The following PTPRT variants were observed in gnomAD, a reference collection of about 807,000 sequenced individuals.
PTPRT encodes protein tyrosine phosphatase receptor type T.
In PTPRT, 56 loss-of-function variants were observed where a neutral mutation model predicts 176.8. The ratio of observed to expected loss-of-function variants is 0.32; its 90% CI spans 0.26 to 0.40. PTPRT has a LOEUF of 0.40. Ranked by LOEUF, PTPRT falls within the 10% of genes least tolerant of loss-of-function variation. The pLI is 1.00. For missense variants in PTPRT, 1,540 were observed against 1,908.2 expected, an observed-to-expected ratio of 0.81 and a Z score of 3.60; for synonymous variants, 783 against 739.0, an observed-to-expected ratio of 1.06 and a Z score of -0.96.
At chr20:42,844,150 C>T (rs1231047992) in intron 2 of PTPRT, among the ~76,000 whole-genome samples, 3 of 152,216 alleles carry the variant, frequency 2.0e-5, no homozygotes, top group Admixed American at 6.5e-5. Flanking sequence ...TAGGCACTTT[C>T]CATTCATTAT....
chr20:42,867,390 ATTTTT>A lies in PTPRT; in HGVS notation c.214+18412_214+18416del, dbSNP rs761289845. 9.8e-5 allele frequency among the ~76,000 whole-genome samples: 10 copies of A among 102,192 alleles called. No homozygotes were observed. In the South Asian group the frequency reaches 2.1e-3, roughly 22 times the overall value. The allele number at this position is 102,192 out of a possible 152,430, so 67.0% of individuals were successfully genotyped here. A position where few individuals can be genotyped will look rare whatever the true frequency, so the allele number is the denominator to read the frequency against. On this transcript the variant is annotated intron_variant, in intron 2 of 30. Transcript: ENST00000373187. ...TTTCTTCTATGTGAAAAGAACACAGATTTTTTTTTTTTTTTTTTTTTTTTTTTACT... is the reference window on the plus strand; with the variant it reads ...TTTCTTCTATGTGAAAAGAACACAGATTTTTTTTTTTTTTTTTTTTTTACT...
At chr20:42,305,528 C>T (rs1246074271) in intron 12 of PTPRT, among the ~76,000 whole-genome samples, 2 of 151,984 alleles carry the variant, frequency 1.3e-5, no homozygotes, top group East Asian at 1.9e-4. Context: ...AATTTAGATT[C>T]ACATACCCAA....
chr20:42,531,057 A>T (rs1407353731), intron 7 of PTPRT, among the ~76,000 whole-genome samples: 2 of 152,182 alleles, frequency 1.3e-5, no homozygotes, highest in Non-Finnish European at 2.9e-5. Flanking sequence ...TGGTATGGAG[A>T]TGTGACCCAC....
intron 2 of PTPRT, among the ~76,000 whole-genome samples, chr20:42,807,921 C>A (rs966825962): frequency 3.3e-5 from 5 of 152,138 alleles, no homozygotes; most frequent in African/African-American, 1.2e-4. Context: ...TGATGCCCTG[C>A]CCAGGTCTCT....
intron 13 of PTPRT, among the ~76,000 whole-genome samples, chr20:42,253,814 T>C (rs1555809104): frequency 1.3e-5 from 2 of 152,184 alleles, no homozygotes; most frequent in Non-Finnish European, 1.5e-5. Context: ...CAGCCAACTG[T>C]GTCCTCTGAG....
At chr20:42,323,020 C>T (rs1201718075) in intron 11 of PTPRT, among the ~76,000 whole-genome samples, 1 of 151,914 alleles carries the variant, frequency 6.6e-6, no homozygotes, top group Admixed American at 6.6e-5. Context: ...TGCTCACCAT[C>T]ACTGGCCATC....
intron 5 of PTPRT, among the ~76,000 whole-genome samples, chr20:42,759,642 C>T (rs928735437): frequency 3.3e-5 from 5 of 152,148 alleles, no homozygotes; most frequent in African/African-American, 4.8e-5. Flanking sequence ...GGAAAAATTC[C>T]GTCAGATAAG....
chr20:42,409,479 CGCAAAAAAAAAAAAAAAAAAAAA>C (rs2058992329), intron 9 of PTPRT, among the ~76,000 whole-genome samples: 1 of 59,940 alleles, frequency 1.7e-5, no homozygotes, highest in East Asian at 6.3e-4. Flanking sequence ...GAGACTCTGT[CGCAAAAAAAAAAAAAAAAAAAAA>C]AAAAAAAAAA....
At chr20:42,547,198 G>T (rs2072691254) in intron 7 of PTPRT, among the ~76,000 whole-genome samples, 1 of 152,060 alleles carries the variant, frequency 6.6e-6, no homozygotes, top group Non-Finnish European at 1.5e-5. Context: ...AAAATTACAT[G>T]TTACATTAGC....
intron 13 of PTPRT, among the ~76,000 whole-genome samples, chr20:42,276,157 A>AT (rs1295778243): frequency 2.6e-5 from 4 of 152,082 alleles, no homozygotes; most frequent in African/African-American, 9.7e-5. Context: ...GGACAGTGTC[A>AT]TAGTCAAGGC....
intron 13 of PTPRT, among the ~76,000 whole-genome samples, chr20:42,250,922 T>C (rs1166667063): frequency 6.6e-6 from 1 of 152,188 alleles, no homozygotes; most frequent in Non-Finnish European, 1.5e-5. Context: ...ACTCTTCTCA[T>C]CTACAGCCCA....
intron 3 of PTPRT, among the ~76,000 whole-genome samples, chr20:42,780,502 AAAG>A (rs1226407977): frequency 2.3e-4 from 35 of 152,336 alleles, no homozygotes; most frequent in Middle Eastern, 6.8e-3. Flanking sequence ...GTGGCTAGCA[AAAG>A]AAGAATATTT....
At chr20:42,952,320 C>G (rs572783060) in intron 1 of PTPRT, among the ~76,000 whole-genome samples, 18 of 152,334 alleles carry the variant, frequency 1.2e-4, no homozygotes, top group African/African-American at 3.8e-4. Context: ...GCTGCATAAA[C>G]TAGGATTGTG....
At chr20:42,321,222 G>C (rs533401720) in intron 11 of PTPRT, among the ~76,000 whole-genome samples, 2 of 152,134 alleles carry the variant, frequency 1.3e-5, no homozygotes, top group Non-Finnish European at 2.9e-5. Flanking sequence ...TCTCAATGGA[G>C]GGTTGCTCAA....
chr20:42,911,155 CT>C (rs1055631252), intron 1 of PTPRT, among the ~76,000 whole-genome samples: 1 of 151,134 alleles, frequency 6.6e-6, no homozygotes, highest in South Asian at 2.1e-4. Flanking sequence ...ATAGGAAACA[CT>C]TTTTTTTTAA....
At chr20:42,034,053 G>C in the PTPRT span, among the ~76,000 whole-genome samples, 2 of 152,088 alleles carry the variant, frequency 1.3e-5, no homozygotes, top group African/African-American at 4.8e-5. Flanking sequence ...CCGAAATTTA[G>C]CAGCTTAAAA....
At chr20:42,864,472 G>C (rs1374480487) in intron 2 of PTPRT, among the ~76,000 whole-genome samples, 1 of 152,200 alleles carries the variant, frequency 6.6e-6, no homozygotes, top group East Asian at 1.9e-4. Flanking sequence ...CTGCTTGATG[G>C]TGATGGAGGA....
intron 1 of PTPRT, among the ~76,000 whole-genome samples, chr20:43,161,664 T>C (rs1368157253): frequency 1.3e-5 from 2 of 152,160 alleles, no homozygotes; most frequent in Admixed American, 6.5e-5. Context: ...CATCCAAGCC[T>C]GTGCACACAA....
chr20:42,082,895 C>T (rs1983480042), intron 29 of PTPRT, among the ~76,000 whole-genome samples: 1 of 152,116 alleles, frequency 6.6e-6, no homozygotes, highest in Non-Finnish European at 1.5e-5. Flanking sequence ...CAGTCAATCT[C>T]CCAGATGTTT....
Sources: allele counts gnomAD v4.1 joint callset (sites outside exome capture counted in the v4.1 genomes callset), GRCh38; gene constraint gnomAD v4.1.1; transcripts MANE v1.5; gene names NCBI Gene and HGNC (gene_info 2026-07-23, HGNC 2026-07-21).